The following WWP1 variants were observed in gnomAD, a reference collection of about 807,000 sequenced individuals.
WWP1 encodes the protein NEDD4-like E3 ubiquitin-protein ligase WWP1.
In WWP1, 49 loss-of-function variants were observed where a neutral mutation model predicts 130.6. The ratio of observed to expected loss-of-function variants is 0.38; its 90% CI spans 0.30 to 0.48. WWP1 has a LOEUF of 0.48. WWP1 is among the 20% of genes least tolerant of loss of function. WWP1 has a pLI of 0.99. For missense variants in WWP1, 809 were observed against 1,100.6 expected, an observed-to-expected ratio of 0.74 and a Z score of 3.75; for synonymous variants, 332 against 367.8, an observed-to-expected ratio of 0.90 and a Z score of 1.11.
chr8:86,451,075 T>G (rs1396411754), intron 20 of WWP1, among the ~76,000 whole-genome samples: 3 of 150,338 alleles, frequency 2.0e-5, no homozygotes, highest in Non-Finnish European at 3.0e-5. Context: ...ATAAATAAAA[T>G]TTTTTTAAAA....
intron 10 of WWP1, among the ~76,000 whole-genome samples, chr8:86,426,326 A>G (rs1014476159): frequency 3.9e-5 from 6 of 152,230 alleles, no homozygotes; most frequent in East Asian, 1.9e-4. Context: ...TTTAGCGTCT[A>G]TTATTCTCTT....
intron 1 of WWP1, among the ~76,000 whole-genome samples, chr8:86,363,199 C>T (rs142445664): frequency 2.6e-5 from 4 of 151,916 alleles, no homozygotes; most frequent in Non-Finnish European, 5.9e-5. Flanking sequence ...GAGATGGGGA[C>T]GAGGAAACAA....
intron 9 of WWP1, among the ~76,000 whole-genome samples, chr8:86,424,167 G>T (rs1294684700): frequency 6.6e-6 from 1 of 151,764 alleles, no homozygotes; most frequent in African/African-American, 2.4e-5. Flanking sequence ...CTCCCAGACT[G>T]GGTCACGGCT....
chr8:86,348,006 G>C (rs1202474738), intron 1 of WWP1, among the ~76,000 whole-genome samples: 1 of 151,826 alleles, frequency 6.6e-6, no homozygotes, highest in Non-Finnish European at 1.5e-5. Context: ...TATTATTTTT[G>C]TATTAGATCA....
At chr8:86,396,095 T>C (rs1239832400) in intron 5 of WWP1, among the ~76,000 whole-genome samples, 2 of 151,522 alleles carry the variant, frequency 1.3e-5, no homozygotes, top group African/African-American at 4.9e-5. Flanking sequence ...TTCGTGCTTT[T>C]GTAGTTTTCT....
chr8:86,351,586 C>T (rs916808104), intron 1 of WWP1, among the ~76,000 whole-genome samples: 2 of 151,792 alleles, frequency 1.3e-5, no homozygotes, highest in Non-Finnish European at 2.9e-5. Flanking sequence ...ACCTCGACCT[C>T]CCATAGTGCT....
chr8:86,432,437 C>G (rs1234201593), intron 14 of WWP1, among the ~76,000 whole-genome samples: 1 of 151,854 alleles, frequency 6.6e-6, no homozygotes, highest in Non-Finnish European at 1.5e-5. Flanking sequence ...CCTACCCCCA[C>G]TTTTCTACTT....
intron 2 of WWP1, among the ~76,000 whole-genome samples, chr8:86,371,929 C>T (rs1824317376): frequency 6.6e-6 from 1 of 151,894 alleles, no homozygotes; most frequent in Non-Finnish European, 1.5e-5. Context: ...GCAGCCTCCA[C>T]CTCCCAGATT....
At position 86,400,338 on chromosome 8, in the gene WWP1, GA is replaced by G. The variant is rs371275452; in HGVS notation, c.540-1674del. On this transcript the variant is annotated intron_variant, in intron 7 of 24. Coordinates refer to ENST00000517970, the MANE Select transcript of WWP1 (RefSeq NM_007013.4). ...ACAGAGCAAGACTTCGTCTCGGGGGGAAAAAAATAAATAAATAAAGATAGTA... is the reference window on the plus strand; with the variant it reads ...ACAGAGCAAGACTTCGTCTCGGGGGGAAAAAATAAATAAATAAAGATAGTA... Among the ~76,000 whole-genome samples the G allele has an allele frequency of 3.3e-3, 498 of 151,622 alleles. 1 individual carries two copies. The highest frequency in any genetic ancestry group is 5.7e-3 in the Non-Finnish European group (388 of 67,876).
chr8:86,362,003 C>CACATATATATAT (rs1563465199), intron 1 of WWP1, among the ~76,000 whole-genome samples: 2 of 71,406 alleles, frequency 2.8e-5, no homozygotes, highest in Non-Finnish European at 8.7e-5. Flanking sequence ...CATATATATA[C>CACATATATATAT]ACACATATAT....
chr8:86,444,656 A>G (rs573905549), intron 18 of WWP1, among the ~76,000 whole-genome samples: 2 of 152,188 alleles, frequency 1.3e-5, no homozygotes, highest in East Asian at 3.9e-4. Context: ...ACTGAGCAAG[A>G]TGAAGCCTGG....
intron 18 of WWP1, among the ~76,000 whole-genome samples, chr8:86,443,947 C>G (rs1178200605): frequency 1.3e-5 from 2 of 152,130 alleles, no homozygotes; most frequent in Non-Finnish European, 2.9e-5. Flanking sequence ...TTAGGAAATT[C>G]ACATAAGAGT....
At chr8:86,452,428 A>C in intron 20 of WWP1, 131 bp from the exon 21 acceptor site, 1 of 749,494 alleles carries the variant, frequency 1.3e-6, no homozygotes, top group Non-Finnish European at 2.1e-6. Flanking sequence ...ATATACACAC[A>C]CATCACATTT....
At chr8:86,414,829 A>G (rs1808792425) in intron 9 of WWP1, among the ~76,000 whole-genome samples, 1 of 147,560 alleles carries the variant, frequency 6.8e-6, no homozygotes, top group Non-Finnish European at 1.5e-5. Context: ...AAAATTGGAC[A>G]GTGTATTAAT....
chr8:86,441,942 G>A (rs1237115205), intron 17 of WWP1, among the ~76,000 whole-genome samples: 4 of 152,064 alleles, frequency 2.6e-5, no homozygotes, highest in African/African-American at 4.8e-5. Flanking sequence ...GTTGGATTTC[G>A]CATATTGGAC....
chr8:86,455,797 G>C (rs1158136793), intron 21 of WWP1, among the ~76,000 whole-genome samples: 1 of 151,890 alleles, frequency 6.6e-6, no homozygotes, highest in African/African-American at 2.4e-5. Flanking sequence ...GAAATACAGA[G>C]GCCCTAGAAG....
intron 24 of WWP1, among the ~76,000 whole-genome samples, chr8:86,464,131 G>A (rs1316732139): frequency 1.3e-5 from 2 of 152,138 alleles, no homozygotes; most frequent in East Asian, 1.9e-4. Context: ...AAAGTACAAA[G>A]TGTTCTTTGA....
At chr8:86,365,006 T>TA (rs1237040448) in intron 1 of WWP1, among the ~76,000 whole-genome samples, 1 of 151,958 alleles carries the variant, frequency 6.6e-6, no homozygotes, top group Non-Finnish European at 1.5e-5. Context: ...AGATGTGAGA[T>TA]ATATCTGAAA....
chr8:86,431,337 A>G, intron 12 of WWP1, 69 bp from the exon 13 acceptor site: 1 of 487,724 alleles, frequency 2.1e-6, no homozygotes, highest in Non-Finnish European at 3.1e-6. Context: ...ATATATAATT[A>G]TATGTGTTCC....
Sources: allele counts gnomAD v4.1 joint callset (sites outside exome capture counted in the v4.1 genomes callset), GRCh38; gene constraint gnomAD v4.1.1; transcripts MANE v1.5; gene names NCBI Gene and HGNC (gene_info 2026-07-23, HGNC 2026-07-21).